CDH13: variants seen among roughly 807,000 people sequenced by gnomAD.
The protein encoded by CDH13 is cadherin-13.
A neutral mutation model predicts 63.8 loss-of-function variants in CDH13; 24 were observed. That is an observed-to-expected ratio of 0.38 (90% confidence interval 0.27 to 0.53). CDH13 has a LOEUF of 0.53. Ranked by LOEUF, CDH13 falls within the 20% of genes least tolerant of loss-of-function variation. CDH13 has a pLI of 0.85. For missense variants in CDH13, 1,049 were observed against 903.1 expected, an observed-to-expected ratio of 1.16 and a Z score of -2.07; for synonymous variants, 503 against 355.3, an observed-to-expected ratio of 1.42 and a Z score of -4.67.
At chr16:83,110,607 T>C (rs1391622603) in intron 3 of CDH13, among the ~76,000 whole-genome samples, 1 of 152,164 alleles carries the variant, frequency 6.6e-6, no homozygotes, top group African/African-American at 2.4e-5. Context: ...GTCTATACAT[T>C]ACTCACTCAT....
chr16:83,355,896 A>G (rs574050467), intron 6 of CDH13, among the ~76,000 whole-genome samples: 1 of 152,272 alleles, frequency 6.6e-6, no homozygotes, highest in African/African-American at 2.4e-5. Flanking sequence ...TAGCACTATT[A>G]TGTACTGGAT....
At chr16:83,120,384 A>G (rs1410039948) in intron 3 of CDH13, among the ~76,000 whole-genome samples, 2 of 152,186 alleles carry the variant, frequency 1.3e-5, no homozygotes, top group Non-Finnish European at 2.9e-5. Flanking sequence ...AATATCACCC[A>G]TTTGTGGGTA....
At chr16:83,552,165 G>T (rs1490097216) in intron 7 of CDH13, among the ~76,000 whole-genome samples, 2 of 152,210 alleles carry the variant, frequency 1.3e-5, no homozygotes, top group African/African-American at 4.8e-5. Flanking sequence ...GAATTCTGGA[G>T]TTCCAGGTAC....
At chr16:82,669,721 A>G (rs141040590) in intron 1 of CDH13, among the ~76,000 whole-genome samples, 193 of 152,314 alleles carry the variant, frequency 1.3e-3, no homozygotes, top group African/African-American at 4.6e-3. Context: ...TAGAATGTAG[A>G]TCAATTAAGC....
intron 2 of CDH13, among the ~76,000 whole-genome samples, chr16:82,962,687 C>CAGA (rs1907203542): frequency 6.6e-6 from 1 of 152,150 alleles, no homozygotes; most frequent in African/African-American, 2.4e-5. Context: ...GCAACACATC[C>CAGA]AGTGATGATT....
chr16:82,888,282 C>G (rs1180661083), intron 2 of CDH13, among the ~76,000 whole-genome samples: 1 of 152,166 alleles, frequency 6.6e-6, no homozygotes, highest in Non-Finnish European at 1.5e-5. Context: ...TTCATGAAAT[C>G]TGGGAGAATA....
intron 10 of CDH13, among the ~76,000 whole-genome samples, chr16:83,700,605 T>C (rs1486008762): frequency 1.3e-5 from 2 of 152,232 alleles, no homozygotes; most frequent in African/African-American, 2.4e-5. Context: ...ATATTTCTTT[T>C]GTTTACAGGT....
intron 5 of CDH13, among the ~76,000 whole-genome samples, chr16:83,222,099 G>A (rs969866155): frequency 9.9e-5 from 15 of 152,234 alleles, no homozygotes; most frequent in African/African-American, 3.1e-4. Flanking sequence ...ACCTTGATAC[G>A]TCTATCACAC....
intron 1 of CDH13, among the ~76,000 whole-genome samples, chr16:82,749,907 A>C (rs1036447100): frequency 2.6e-5 from 4 of 152,170 alleles, no homozygotes; most frequent in African/African-American, 9.7e-5. Flanking sequence ...ATGAAAGAAA[A>C]AAATGTATAA....
intron 8 of CDH13, among the ~76,000 whole-genome samples, chr16:83,616,016 G>A (rs1359520760): frequency 6.6e-6 from 1 of 152,170 alleles, no homozygotes; most frequent in Non-Finnish European, 1.5e-5. Flanking sequence ...CAGCAGGTAT[G>A]CCGCTGAATG....
At chr16:82,780,260 A>G (rs1490331449) in intron 1 of CDH13, among the ~76,000 whole-genome samples, 2 of 152,000 alleles carry the variant, frequency 1.3e-5, no homozygotes, top group African/African-American at 4.8e-5. Context: ...CTCTGTCTCC[A>G]CTCTCCCTAC....
At chr16:83,016,730 C>A (rs970849393) in intron 2 of CDH13, among the ~76,000 whole-genome samples, 9 of 152,040 alleles carry the variant, frequency 5.9e-5, no homozygotes, top group Non-Finnish European at 8.8e-5. Context: ...GTCCTGGAAT[C>A]AAGGTAGCAC....
intron 2 of CDH13, among the ~76,000 whole-genome samples, chr16:82,992,073 G>A (rs1032002635): frequency 2.0e-5 from 3 of 152,128 alleles, no homozygotes; most frequent in Non-Finnish European, 4.4e-5. Flanking sequence ...AGAGTATTTC[G>A]TAGAAGTGAA....
intron 7 of CDH13, among the ~76,000 whole-genome samples, chr16:83,490,613 T>C (rs1023354029): frequency 2.0e-5 from 3 of 152,152 alleles, no homozygotes; most frequent in Non-Finnish European, 2.9e-5. Context: ...TGCTCAAACA[T>C]GCAATTTGTG....
chr16:83,527,551 A>C (rs573520998), intron 7 of CDH13, among the ~76,000 whole-genome samples: 1 of 152,360 alleles, frequency 6.6e-6, no homozygotes, highest in South Asian at 2.1e-4. Flanking sequence ...ATCTACCCAC[A>C]GCATTATAGA....
chr16:83,209,147 G>A (rs574434378), intron 4 of CDH13, among the ~76,000 whole-genome samples: 3 of 152,262 alleles, frequency 2.0e-5, no homozygotes, highest in African/African-American at 7.2e-5. Context: ...GTGGTGGCAG[G>A]CTGAACAGGA....
chr16:83,365,570 C>T (rs761515223), intron 6 of CDH13, among the ~76,000 whole-genome samples: 3 of 152,148 alleles, frequency 2.0e-5, no homozygotes, highest in Admixed American at 1.3e-4. Context: ...TATGTGGCCT[C>T]ACATGGCAAA....
intron 7 of CDH13, among the ~76,000 whole-genome samples, chr16:83,600,489 T>A (rs1311648693): frequency 6.6e-6 from 1 of 152,242 alleles, no homozygotes; most frequent in Non-Finnish European, 1.5e-5. Context: ...TTCAAAATAC[T>A]TAAAAGTTTT....
chr16:83,036,326 C>A (rs763036533), intron 3 of CDH13, among the ~76,000 whole-genome samples: 1 of 151,608 alleles, frequency 6.6e-6, no homozygotes, highest in African/African-American at 2.4e-5. Context: ...CTTTTTGTAT[C>A]TTTAGTAGAG....
Sources: allele counts gnomAD v4.1 joint callset (sites outside exome capture counted in the v4.1 genomes callset), GRCh38; gene constraint gnomAD v4.1.1; transcripts MANE v1.5; gene names NCBI Gene and HGNC (gene_info 2026-07-23, HGNC 2026-07-21).